VCAN: variants seen among roughly 807,000 people sequenced by gnomAD.
VCAN encodes the protein versican core protein.
A neutral mutation model predicts 245.5 loss-of-function variants in VCAN; 44 were observed. The ratio of observed to expected loss-of-function variants is 0.18; its 90% CI spans 0.14 to 0.23. The LOEUF (loss-of-function observed/expected upper bound fraction) is 0.23, where lower values mean the gene tolerates loss of function less well. Among genes scored for constraint, VCAN ranks in the 10% least tolerant of loss-of-function variants. The pLI is 1.00. For synonymous variants in VCAN, 1,413 were observed against 1,437.0 expected (o/e 0.98, Z 0.38); for missense variants, 3,793 against 4,057.9 (o/e 0.93, Z 1.77).
chr5:83,566,159 C>A (rs961844287), intron 12 of VCAN, among the ~76,000 whole-genome samples: 2 of 151,892 alleles, frequency 1.3e-5, no homozygotes, highest in African/African-American at 2.4e-5. Flanking sequence ...GATTTCATCA[C>A]CATGTTGGCC....
intron 12 of VCAN, among the ~76,000 whole-genome samples, 177 bp from the exon 13 acceptor site, chr5:83,572,239 C>T (rs1487039716): frequency 6.6e-6 from 1 of 152,148 alleles, no homozygotes; most frequent in African/African-American, 2.4e-5. Flanking sequence ...CTTTGAGACA[C>T]ATATATTTTC....
At chr5:83,516,716 C>A (rs571468290) in intron 6 of VCAN, among the ~76,000 whole-genome samples, 1 of 152,196 alleles carries the variant, frequency 6.6e-6, no homozygotes, top group Non-Finnish European at 1.5e-5. Flanking sequence ...TGTGAATGCA[C>A]CTATTGGAAG....
intron 12 of VCAN, among the ~76,000 whole-genome samples, chr5:83,569,752 T>C (rs1748218808): frequency 1.3e-5 from 2 of 152,154 alleles, no homozygotes; most frequent in Admixed American, 6.5e-5. Flanking sequence ...CTAGAAAATA[T>C]TGAGCTCCTA....
chr5:83,517,397 T>C (rs1477136455), intron 6 of VCAN, among the ~76,000 whole-genome samples: 1 of 152,212 alleles, frequency 6.6e-6, no homozygotes, highest in Admixed American at 6.5e-5. Context: ...TTAGCTTTTT[T>C]GTTGTTATTA....
chr5:83,541,565 C>T lies in VCAN; in HGVS notation c.8562C>T (p.Val2854=), dbSNP rs781758939. Residue 2854 remains valine, a synonymous_variant, in exon 8 of 15, where the codon GTC becomes GTT. Transcript: ENST00000265077. ...PQPSALPGID[V]GSSVMSPQDS... ...CCAGTGCTCTGCCAGGAATAGACGT[C>T]GGCTCATCTGTAATGTCCCCACAGG... 1.2e-5 allele frequency: 19 copies of T among 1,613,742 alleles called. No individual in the cohort carries two copies. The highest frequency in any genetic ancestry group is 2.7e-5 in the African/African-American group (2 of 74,890).
Position 83,539,950 on chromosome 5 carries a change from C to G in VCAN, c.6947C>G (p.Ser2316Cys). 1 of 1,614,142 alleles carries G rather than the reference C, an allele frequency of 6.2e-7. No homozygotes were observed. Among genetic ancestry groups the G allele is most frequent in the South Asian group, 1.1e-5 (1 of 91,082 alleles). Residue 2316 changes from serine (S) to cysteine (C), a missense_variant, in exon 8 of 15, where the codon TCT becomes TGT. This residue lies in a region of VCAN where 3,182 missense variants were observed against 3,250.3 expected (regional missense o/e 0.98). Transcript: ENST00000265077. The stretch of plus-strand genomic sequence containing the variant: ...GCAAAAGAAGTTGGACCACTCGTAT[C>G]TCAAACAGACATCTTTGAAGGTAGT... ...NVAKEVGPLV[S>C]QTDIFEGSGS...
At chr5:83,491,704 C>T (rs924100338) in intron 3 of VCAN, among the ~76,000 whole-genome samples, 1 of 152,126 alleles carries the variant, frequency 6.6e-6, no homozygotes, top group African/African-American at 2.4e-5. Flanking sequence ...TGAAAATCCT[C>T]CACTTAATCT....
rs1349450680 is a variant in VCAN, at chr5:83,520,679, T to C, written c.2373T>C (p.Gly791=). 1 of 1,614,096 alleles carries C rather than the reference T, an allele frequency of 6.2e-7. No homozygotes were observed. ...ENITTVLLAH[G]TLSVEAATVS... is the part of the protein sequence containing the mutation. ...TTACAACAGTGCTTTTGGCCCATGGTACTTTAAGTGTTGAAGCAGCCACTG... is the reference window on the plus strand; with the variant it reads ...TTACAACAGTGCTTTTGGCCCATGGCACTTTAAGTGTTGAAGCAGCCACTG... The change falls in exon 7 of 15, where the codon GGT becomes GGC. Residue 791 remains glycine (G), a synonymous_variant. Coordinates refer to ENST00000265077, the MANE Select transcript of VCAN (RefSeq NM_004385.5).
intron 6 of VCAN, among the ~76,000 whole-genome samples, chr5:83,517,272 C>G (rs968505116): frequency 6.6e-6 from 1 of 152,100 alleles, no homozygotes; most frequent in African/African-American, 2.4e-5. Flanking sequence ...TAGCAGAGAG[C>G]TTGGATTGGA....
Position 83,540,132 on chromosome 5 carries a change from A to T in VCAN, c.7129A>T (p.Ile2377Leu), listed in dbSNP as rs201280939. The T allele has an allele frequency of 4.3e-6, 7 of 1,613,988 alleles. No homozygotes were observed. The East Asian group carries it at 1.6e-4, about 36-fold the overall frequency. Residue 2377 changes from isoleucine to leucine, a missense_variant, in exon 8 of 15, where the codon ATA becomes TTA. Ile to Leu is a conservative substitution (Grantham distance 5). Coordinates refer to ENST00000265077, the MANE Select transcript of VCAN (RefSeq NM_004385.5). ...EEIQTSRPQT[I>L]TEQDSNKNSS... ...AATCCAGACTAGTAGACCACAAACC[A>T]TAACTGAACAAGACTCTAACAAGAA...
At chr5:83,569,691 C>T (rs1748217223) in intron 12 of VCAN, among the ~76,000 whole-genome samples, 1 of 151,988 alleles carries the variant, frequency 6.6e-6, no homozygotes. Context: ...GAAAATTTTC[C>T]ACCTTTGAGG....
intron 5 of VCAN, among the ~76,000 whole-genome samples, chr5:83,509,083 GAGAA>G (rs968647535): frequency 2.4e-4 from 34 of 141,104 alleles, no homozygotes; most frequent in South Asian, 1.4e-3. Flanking sequence ...AAGAAAGAAA[GAGAA>G]AGAAAGAAGG....
At chr5:83,562,266 T>C (rs1277509651) in intron 12 of VCAN, 2 of 152,206 alleles carry the variant, frequency 1.3e-5, no homozygotes, top group Non-Finnish European at 2.9e-5. Flanking sequence ...AATTCTCAGA[T>C]TCCCTTCTGT....
rs1746767477 is a variant in VCAN, at chr5:83,537,476, A to T, written c.4473A>T (p.Glu1491Asp). The change falls in exon 8 of 15, where the codon GAA becomes GAT. Residue 1491 changes from glutamate (E) to aspartate (D), a missense_variant. Around this residue, in one of 5 missense-constraint regions of VCAN, gnomAD observed 3,182 missense variants for 3,250.3 expected, o/e 0.98. Coordinates refer to ENST00000265077, the MANE Select transcript of VCAN (RefSeq NM_004385.5). ...CTGAGACTTACCCTGAAACATCAGA[A>T]CATTTTTCAGGTGGTGAGCCTGATG... ...WKPETYPETSEHFSGGEPDVF... is the reference protein window; with the variant it reads ...WKPETYPETSDHFSGGEPDVF... 6.2e-7 allele frequency: 1 copy of T among 1,614,006 alleles called. No individual in the cohort carries two copies. The highest frequency in any genetic ancestry group is 1.3e-5 in the African/African-American group (1 of 75,044).
At chr5:83,546,272 G>T (rs1235960673) in intron 9 of VCAN, among the ~76,000 whole-genome samples, 1 of 151,574 alleles carries the variant, frequency 6.6e-6, no homozygotes, top group East Asian at 1.9e-4. Context: ...TGTTGATTTG[G>T]CTACATATAG....
chr5:83,475,109 ATT>A (rs1744339143), intron 1 of VCAN, among the ~76,000 whole-genome samples: 1 of 152,202 alleles, frequency 6.6e-6, no homozygotes, highest in South Asian at 2.1e-4. Flanking sequence ...AAATACTGCC[ATT>A]CGACAAGACT....
Position 83,539,926 on chromosome 5 carries a change from C to T in VCAN, c.6923C>T (p.Ala2308Val), listed in dbSNP as rs1477710278. Reference protein sequence around the residue: ...IEDFNRMENVAKEVGPLVSQT... With the variant: ...IEDFNRMENVVKEVGPLVSQT... ...GACTTTAACAGAATGGAAAATGTGG[C>T]AAAAGAAGTTGGACCACTCGTATCT... Residue 2308 changes from alanine (A) to valine (V), a missense_variant, in exon 8 of 15, where the codon GCA becomes GTA. This residue lies in a region of VCAN where 3,182 missense variants were observed against 3,250.3 expected (regional missense o/e 0.98). Transcript: ENST00000265077. The T allele has an allele frequency of 6.2e-7, 1 of 1,614,054 alleles. No homozygotes were observed. Among genetic ancestry groups the T allele is most frequent in the East Asian group, 2.2e-5 (1 of 44,852 alleles).
intron 11 of VCAN, among the ~76,000 whole-genome samples, chr5:83,554,348 CCTA>C (rs1381009047): frequency 1.3e-5 from 2 of 152,148 alleles, no homozygotes; most frequent in African/African-American, 2.4e-5. Context: ...TCTCGTGATG[CCTA>C]CTATCGTTTA....
At chr5:83,550,978 C>A (rs1747441514) in intron 10 of VCAN, among the ~76,000 whole-genome samples, 1 of 140,356 alleles carries the variant, frequency 7.1e-6, no homozygotes. Flanking sequence ...GTGGTTTTTG[C>A]AGATATATTT....
Sources: allele counts gnomAD v4.1 joint callset (sites outside exome capture counted in the v4.1 genomes callset), GRCh38; gene constraint gnomAD v4.1.1; regional missense constraint gnomAD v4.1.1; transcripts MANE v1.5; gene names NCBI Gene and HGNC (gene_info 2026-07-23, HGNC 2026-07-21).